CADM1: variants seen among roughly 807,000 people sequenced by gnomAD.
The protein encoded by CADM1 is TSLC-1.
In CADM1, 15 loss-of-function variants were observed where a neutral mutation model predicts 53.1. The observed-to-expected ratio is 0.28, with a 90% CI of 0.19 to 0.44. The LOEUF is 0.44. Among genes scored for constraint, CADM1 ranks in the 20% least tolerant of loss-of-function variants. The pLI, the probability that CADM1 is intolerant of heterozygous loss-of-function variation, is 1.00. For synonymous variants in CADM1, 281 were observed against 243.0 expected (o/e 1.16, Z -1.45); for missense variants, 434 against 611.3 (o/e 0.71, Z 3.06).
At chr11:115,281,199 C>G (rs1943574540) in intron 1 of CADM1, among the ~76,000 whole-genome samples, 2 of 152,204 alleles carry the variant, frequency 1.3e-5, no homozygotes, top group Non-Finnish European at 2.9e-5. Flanking sequence ...TGGAAGATGC[C>G]TGACCATAGT....
intron 5 of CADM1, among the ~76,000 whole-genome samples, chr11:115,220,587 T>A (rs191898867): frequency 6.6e-6 from 1 of 152,312 alleles, no homozygotes; most frequent in East Asian, 1.9e-4. Flanking sequence ...CTTGCCTGCA[T>A]TATACAGAAA....
In CADM1 at chr11:115,200,112, A is replaced by G. The variant is rs143522681; in HGVS notation, c.1079-1674T>C. ...AACCAGAAGTCTGAAAGGCCAATGC[A>G]GCTTAATATTACTGATAGCTTAGTT... On this transcript the variant is annotated intron_variant, in intron 8 of 11. Transcript: ENST00000331581. Among the ~76,000 whole-genome samples the G allele has an allele frequency of 1.2e-3, 177 of 152,372 alleles. 3 individuals carry two copies. The highest frequency in any genetic ancestry group is 3.4e-3 in the Middle Eastern group (1 of 294).
At chr11:115,421,681 T>C (rs1478097312) in intron 1 of CADM1, among the ~76,000 whole-genome samples, 1 of 152,028 alleles carries the variant, frequency 6.6e-6, no homozygotes, top group African/African-American at 2.4e-5. Flanking sequence ...TCTAGAAGGG[T>C]GGGGGAGAGA....
At chr11:115,232,655 G>A (rs1195534126) in intron 3 of CADM1, among the ~76,000 whole-genome samples, 7 of 152,150 alleles carry the variant, frequency 4.6e-5, no homozygotes, top group Non-Finnish European at 8.8e-5. Flanking sequence ...TAGTGATAGT[G>A]ATGGTGACAA....
intron 1 of CADM1, among the ~76,000 whole-genome samples, chr11:115,329,066 T>C (rs1386036062): frequency 6.6e-6 from 1 of 152,002 alleles, no homozygotes; most frequent in Non-Finnish European, 1.5e-5. Context: ...ACCACTTAAC[T>C]ACTCTCAACA....
intron 1 of CADM1, among the ~76,000 whole-genome samples, chr11:115,327,652 A>G (rs1944995166): frequency 6.6e-6 from 1 of 152,154 alleles, no homozygotes; most frequent in East Asian, 1.9e-4. Flanking sequence ...AGAAGGCAGG[A>G]GAGTATAGTG....
intron 1 of CADM1, among the ~76,000 whole-genome samples, chr11:115,259,462 C>A (rs1402523103): frequency 6.6e-6 from 1 of 151,600 alleles, no homozygotes; most frequent in African/African-American, 2.4e-5. Flanking sequence ...CACGCCACCA[C>A]CCCCAGCTAA....
chr11:115,307,508 GA>G (rs760496607), intron 1 of CADM1, among the ~76,000 whole-genome samples: 1,578 of 143,030 alleles, frequency 0.011, 18 homozygotes, highest in African/African-American at 0.038. Context: ...TTTAAGCCAG[GA>G]AAAAAAAAAT....
intron 1 of CADM1, among the ~76,000 whole-genome samples, chr11:115,395,422 TACTC>T (rs1434935415): frequency 2.0e-5 from 3 of 152,280 alleles, no homozygotes; most frequent in African/African-American, 7.2e-5. Flanking sequence ...TTTACACACA[TACTC>T]ACTGCTGTTT....
intron 1 of CADM1, among the ~76,000 whole-genome samples, chr11:115,372,503 A>G: frequency 6.6e-6 from 1 of 152,208 alleles, no homozygotes; most frequent in Admixed American, 6.5e-5. Context: ...ATTTTGCATC[A>G]TAAATTGAGA....
At chr11:115,497,799 G>C (rs314478) in intron 1 of CADM1, among the ~76,000 whole-genome samples, 108,778 of 151,892 alleles carry the variant, frequency 0.72, 39,351 homozygotes, top group East Asian at 0.98. Context: ...TTTTCTTGTG[G>C]CCTGGTCAAC....
chr11:115,486,910 A>G (rs1325762557), intron 1 of CADM1, among the ~76,000 whole-genome samples: 1 of 152,172 alleles, frequency 6.6e-6, no homozygotes, highest in Non-Finnish European at 1.5e-5. Flanking sequence ...CCTCTAATGG[A>G]AAGATAGAGG....
chr11:115,381,690 C>T (rs1308098094), intron 1 of CADM1, among the ~76,000 whole-genome samples: 1 of 152,190 alleles, frequency 6.6e-6, no homozygotes, highest in Non-Finnish European at 1.5e-5. Flanking sequence ...ATACCTGACA[C>T]ACGAAGTACA....
At chr11:115,465,187 A>G (rs1183410047) in intron 1 of CADM1, among the ~76,000 whole-genome samples, 2 of 152,194 alleles carry the variant, frequency 1.3e-5, no homozygotes, top group African/African-American at 2.4e-5. Flanking sequence ...TCTGCCTATG[A>G]GTGCTACTAC....
At chr11:115,389,760 G>T (rs1946787967) in intron 1 of CADM1, among the ~76,000 whole-genome samples, 1 of 151,832 alleles carries the variant, frequency 6.6e-6, no homozygotes, top group African/African-American at 2.4e-5. Flanking sequence ...ATGGTTCATG[G>T]ATGATTTTTT....
intron 1 of CADM1, among the ~76,000 whole-genome samples, chr11:115,422,809 C>T (rs1040675846): frequency 6.6e-6 from 1 of 152,148 alleles, no homozygotes; most frequent in East Asian, 1.9e-4. Flanking sequence ...ACTTGATGCA[C>T]CTGTCAGGAA....
intron 1 of CADM1, among the ~76,000 whole-genome samples, chr11:115,350,760 T>G (rs1470544005): frequency 6.6e-6 from 1 of 152,094 alleles, no homozygotes; most frequent in Non-Finnish European, 1.5e-5. Flanking sequence ...ATTCATTGAA[T>G]TTATATCATC....
intron 10 of CADM1, among the ~76,000 whole-genome samples, chr11:115,186,891 C>T (rs1441312394): frequency 3.3e-5 from 5 of 152,146 alleles, no homozygotes; most frequent in African/African-American, 1.2e-4. Flanking sequence ...TAGGGTGTCG[C>T]GGTAGGAGAG....
Position 115,240,257 on chromosome 11 carries a change from T to C in CADM1, c.271+17A>G. On this transcript the variant is annotated intron_variant, in intron 2 of 11. Transcript: ENST00000331581. ...GTAAAAAAGTTGCCATCTACAACTA[T>C]AGAGATGGAAACTTACGCCTGAAGT... 6.2e-7 allele frequency: 1 copy of C among 1,612,962 alleles called. No individual in the cohort carries two copies. The highest frequency in any genetic ancestry group is 8.5e-7 in the Non-Finnish European group (1 of 1,179,508).
Sources: allele counts gnomAD v4.1 joint callset (sites outside exome capture counted in the v4.1 genomes callset), GRCh38; gene constraint gnomAD v4.1.1; transcripts MANE v1.5; gene names NCBI Gene and HGNC (gene_info 2026-07-23, HGNC 2026-07-21).